The following LINGO2 variants were observed in gnomAD, a reference collection of about 807,000 sequenced individuals.
LINGO2 encodes leucine-rich repeat and immunoglobulin-like domain-containing nogo receptor-interacting protein 2.
In LINGO2, 14 loss-of-function variants were observed where a neutral mutation model predicts 30.6. The ratio of observed to expected loss-of-function variants is 0.46; its 90% CI spans 0.30 to 0.72. The LOEUF (loss-of-function observed/expected upper bound fraction) is 0.72. Ranked by LOEUF, LINGO2 falls within the 30% of genes least tolerant of loss-of-function variation. The probability of loss-of-function intolerance (pLI) is 0.07; values close to 1 mark genes in which losing one functional copy is unlikely to be tolerated. For synonymous variants in LINGO2, 317 were observed against 288.5 expected (o/e 1.10, Z -1.00); for missense variants, 729 against 751.7 (o/e 0.97, Z 0.35).
the LINGO2 span, among the ~76,000 whole-genome samples, chr9:28,940,465 T>C: frequency 2.1e-4 from 3 of 14,084 alleles, no homozygotes; most frequent in Non-Finnish European, 1.3e-3. Flanking sequence ...ATGCACCCCA[T>C]ATGTTTTTTT....
the LINGO2 span, among the ~76,000 whole-genome samples, chr9:28,900,137 C>T: frequency 2.0e-5 from 3 of 152,020 alleles, no homozygotes; most frequent in African/African-American, 7.2e-5. Flanking sequence ...GGCCAGTACC[C>T]ACCATACCAT....
intron 4 of LINGO2, among the ~76,000 whole-genome samples, chr9:28,227,863 C>G (rs973085233): frequency 6.6e-6 from 1 of 152,042 alleles, no homozygotes; most frequent in Non-Finnish European, 1.5e-5. Flanking sequence ...ATAACATCTA[C>G]AGGATACTGA....
At chr9:28,873,391 G>GAAAAAA in the LINGO2 span, among the ~76,000 whole-genome samples, 1 of 123,058 alleles carries the variant, frequency 8.1e-6, no homozygotes, top group African/African-American at 2.8e-5. Flanking sequence ...AAAAAAAAAA[G>GAAAAAA]AAAAAAAAAA....
At chr9:28,647,893 C>CTTTTTT (rs5897315) in intron 1 of LINGO2, among the ~76,000 whole-genome samples, 1 of 130,244 alleles carries the variant, frequency 7.7e-6, no homozygotes, top group African/African-American at 2.8e-5. Context: ...TTCTTTCTTT[C>CTTTTTT]TTTTTTTTTT....
chr9:28,135,407 G>A (rs1344415335), intron 4 of LINGO2, among the ~76,000 whole-genome samples: 1 of 151,140 alleles, frequency 6.6e-6, no homozygotes, highest in East Asian at 1.9e-4. Context: ...GAACAGACAG[G>A]ATAAGAAAAC....
the LINGO2 span, among the ~76,000 whole-genome samples, chr9:29,190,797 A>G: frequency 6.6e-6 from 1 of 152,318 alleles, no homozygotes; most frequent in East Asian, 1.9e-4. Context: ...CTTTCCAAGC[A>G]TTCCAAATAT....
At chr9:29,048,350 T>A in the LINGO2 span, among the ~76,000 whole-genome samples, 1 of 151,874 alleles carries the variant, frequency 6.6e-6, no homozygotes, top group African/African-American at 2.4e-5. Flanking sequence ...AAATATTCCA[T>A]GTTCATGGAT....
At chr9:29,148,442 A>G in the LINGO2 span, among the ~76,000 whole-genome samples, 1 of 152,170 alleles carries the variant, frequency 6.6e-6, no homozygotes, top group African/African-American at 2.4e-5. Flanking sequence ...TAAATAAATG[A>G]CAGAGTTGGA....
chr9:28,243,339 A>G (rs1821872418), intron 4 of LINGO2, among the ~76,000 whole-genome samples: 2 of 152,028 alleles, frequency 1.3e-5, no homozygotes, highest in Non-Finnish European at 2.9e-5. Context: ...GGGTGCCTGT[A>G]GTCCCAGCTA....
At chr9:28,939,997 C>T in the LINGO2 span, among the ~76,000 whole-genome samples, 1 of 152,180 alleles carries the variant, frequency 6.6e-6, no homozygotes. Context: ...TTAGCATTTT[C>T]ATTCTGCATG....
chr9:28,498,464 G>A (rs774074968), intron 1 of LINGO2, among the ~76,000 whole-genome samples: 9 of 152,196 alleles, frequency 5.9e-5, no homozygotes, highest in East Asian at 3.9e-4. Flanking sequence ...AGCCAGGCAC[G>A]GGTTATAATC....
chr9:28,009,685 T>A (rs2119231555), intron 5 of LINGO2, among the ~76,000 whole-genome samples: 1 of 152,260 alleles, frequency 6.6e-6, no homozygotes, highest in South Asian at 2.1e-4. Flanking sequence ...ATCTGCTAGA[T>A]GGTTACAATA....
intron 1 of LINGO2, among the ~76,000 whole-genome samples, chr9:28,499,706 G>C (rs1212685854): frequency 7.2e-5 from 11 of 152,150 alleles, no homozygotes; most frequent in Admixed American, 7.2e-4. Context: ...TGGCCATAGT[G>C]AATGTTAAAC....
the LINGO2 span, among the ~76,000 whole-genome samples, chr9:28,921,750 C>G: frequency 4.6e-5 from 7 of 152,320 alleles, no homozygotes; most frequent in East Asian, 1.2e-3. Flanking sequence ...CCATCTTGTT[C>G]AGTGTCTGGA....
chr9:28,093,435 G>A (rs1826155580), intron 4 of LINGO2, among the ~76,000 whole-genome samples: 2 of 152,036 alleles, frequency 1.3e-5, no homozygotes, highest in Admixed American at 1.3e-4. Context: ...ATAGCAACAC[G>A]TTAGTTTAGG....
the LINGO2 span, among the ~76,000 whole-genome samples, chr9:28,864,160 T>A: frequency 6.6e-6 from 1 of 152,138 alleles, no homozygotes; most frequent in East Asian, 1.9e-4. Flanking sequence ...TCCCACTTTA[T>A]ACTCATATAA....
chr9:28,107,933 C>G (rs1032490033), intron 4 of LINGO2, among the ~76,000 whole-genome samples: 4 of 152,052 alleles, frequency 2.6e-5, no homozygotes, highest in African/African-American at 9.7e-5. Context: ...TTTTAGAGAC[C>G]CACTTCACTT....
At chr9:28,117,911 C>T (rs1469528178) in intron 4 of LINGO2, among the ~76,000 whole-genome samples, 1 of 152,172 alleles carries the variant, frequency 6.6e-6, no homozygotes, top group Non-Finnish European at 1.5e-5. Flanking sequence ...TAGCACAAGA[C>T]ATGGGGGCAG....
the LINGO2 span, among the ~76,000 whole-genome samples, chr9:28,837,649 A>AACATATAT: frequency 1.3e-4 from 10 of 75,838 alleles, 1 homozygote; most frequent in Middle Eastern, 9.8e-3. Context: ...CTCCGTCTAA[A>AACATATAT]ATATATATAT....
Sources: allele counts gnomAD v4.1 joint callset (sites outside exome capture counted in the v4.1 genomes callset), GRCh38; gene constraint gnomAD v4.1.1; transcripts MANE v1.5; gene names NCBI Gene and HGNC (gene_info 2026-07-23, HGNC 2026-07-21).